The following RARS1 variants were observed in gnomAD, a reference collection of about 807,000 sequenced individuals.
RARS1 encodes the protein arginine--tRNA ligase, cytoplasmic.
Under a neutral mutation model 78.7 loss-of-function variants are expected in RARS1, and 75 were observed. That is an observed-to-expected ratio of 0.95 (90% confidence interval 0.79 to 1.15). RARS1 has a LOEUF of 1.15. RARS1 is among the 50% of genes most tolerant of loss of function. The pLI is 0.00. For synonymous variants in RARS1, 273 were observed against 268.2 expected, an observed-to-expected ratio of 1.02 and a Z score of -0.18; for missense variants, 787 against 787.5, an observed-to-expected ratio of 1.00 and a Z score of 0.01.
intron 11 of RARS1, among the ~76,000 whole-genome samples, chr5:168,509,449 C>G (rs796102598): frequency 2.7e-5 from 4 of 145,700 alleles, no homozygotes; most frequent in African/African-American, 7.7e-5. Flanking sequence ...CCCCCCCCCC[C>G]CCACCAAAAA....
intron 6 of RARS1, among the ~76,000 whole-genome samples, chr5:168,496,543 C>T (rs1354377842): frequency 4.0e-5 from 6 of 151,692 alleles, no homozygotes; most frequent in African/African-American, 9.7e-5. Context: ...AGTGCAGTGG[C>T]GCAATCCTGG....
chr5:168,508,885 G>C (rs1004663996), intron 11 of RARS1, among the ~76,000 whole-genome samples: 2 of 152,072 alleles, frequency 1.3e-5, no homozygotes, highest in Non-Finnish European at 2.9e-5. Context: ...TCTGAAAGAG[G>C]CTATCATCTA....
intron 8 of RARS1, 112 bp from the exon 9 acceptor site, chr5:168,501,889 A>G: frequency 4.3e-6 from 6 of 1,407,376 alleles, no homozygotes; most frequent in South Asian, 2.9e-5. Context: ...TATGTAATTA[A>G]TTTCCTTTTA....
At chr5:168,501,827 T>G (rs1480134760) in intron 8 of RARS1, among the ~76,000 whole-genome samples, 174 bp from the exon 9 acceptor site, 2 of 152,186 alleles carry the variant, frequency 1.3e-5, no homozygotes, top group Admixed American at 1.3e-4. Context: ...CCATTTTCTT[T>G]CCCTTTTTCA....
chr5:168,487,891 C>T (rs2152903081), intron 1 of RARS1, among the ~76,000 whole-genome samples: 1 of 151,944 alleles, frequency 6.6e-6, no homozygotes, highest in South Asian at 2.1e-4. Context: ...AAAGGCAGAC[C>T]CTTGAGCTAT....
chr5:168,492,594 G>A (rs1758107106), intron 2 of RARS1, 65 bp from the exon 3 acceptor site: 1 of 1,318,400 alleles, frequency 7.6e-7, no homozygotes, highest in African/African-American at 1.5e-5. Context: ...CAAAATATTT[G>A]GAGACATCTT....
intron 2 of RARS1, among the ~76,000 whole-genome samples, chr5:168,491,005 C>T (rs1758070670): frequency 6.6e-6 from 1 of 152,090 alleles, no homozygotes; most frequent in African/African-American, 2.4e-5. Flanking sequence ...GGGATGGTGG[C>T]ATGGGCCTGT....
Position 168,496,722 on chromosome 5 carries a change from G to T in RARS1, c.702-506G>T, listed in dbSNP as rs190217243. Among the ~76,000 whole-genome samples the T allele has an allele frequency of 1.5e-3, 232 of 152,136 alleles. 2 individuals are homozygous for T. Among genetic ancestry groups the T allele is most frequent in the Admixed American group, 4.1e-3 (62 of 15,276 alleles). ...GGGTCTCGAACTCCTAACCTCAAGTGATCCGCCTGCCTCAGCCTCCCATAG... is the reference window on the plus strand; with the variant it reads ...GGGTCTCGAACTCCTAACCTCAAGTTATCCGCCTGCCTCAGCCTCCCATAG... On this transcript the variant is annotated intron_variant, in intron 6 of 14. Coordinates refer to ENST00000231572, the MANE Select transcript of RARS1 (RefSeq NM_002887.4).
intron 9 of RARS1, 88 bp from the exon 10 acceptor site, chr5:168,505,929 ATAAC>A: frequency 5.7e-6 from 6 of 1,052,350 alleles, no homozygotes; most frequent in Non-Finnish European, 8.4e-6. Context: ...TATTCTTAGA[ATAAC>A]TAAATATTTA....
chr5:168,508,372 C>A (rs1004315126), intron 11 of RARS1, among the ~76,000 whole-genome samples: 1 of 151,108 alleles, frequency 6.6e-6, no homozygotes, highest in African/African-American at 2.4e-5. Context: ...CCTGTAATCC[C>A]AGCACTTTGG....
rs749494974 is a variant in RARS1 at position 168,492,696 on chromosome 5, T to C, written c.218T>C (p.Met73Thr). 1.3e-5 allele frequency: 21 copies of C among 1,610,652 alleles called. No individual in the cohort carries two copies. The highest frequency in any genetic ancestry group is 1.8e-5 in the Non-Finnish European group (21 of 1,177,134). The part of the protein sequence containing the change: ...QAERNKPTKN[M>T]INIISRLQEV... ...GAAAGGAACAAACCAACTAAAAATA[T>C]GATTAACATTATTAGCCGCCTACAA... The change falls in exon 3 of 15, where the codon ATG (methionine) becomes ACG (threonine). Residue 73 changes from methionine to threonine, a missense_variant. Coordinates refer to ENST00000231572, the MANE Select transcript of RARS1 (RefSeq NM_002887.4).
chr5:168,497,228 G>T lies in RARS1; in HGVS notation c.702G>T (p.Arg234Ser). 1.3e-6 allele frequency: 2 copies of T among 1,530,456 alleles called. No individual in the cohort carries two copies. Among genetic ancestry groups the T allele is most frequent in the Non-Finnish European group, 8.8e-7 (1 of 1,137,802 alleles). 94.8% of individuals were successfully genotyped at this position (1,530,456 alleles called of 1,614,324 possible). ...TTATATATTCTCTGATTGGTGTTAGGTTAAATCATGTAGGAGACTGGGGGA... is the reference window on the plus strand; with the variant it reads ...TTATATATTCTCTGATTGGTGTTAGTTTAAATCATGTAGGAGACTGGGGGA... ...LFEFAGYDVL[R>S]LNHVGDWGTQ... The change falls in exon 7 of 15, where the codon AGG (arginine) becomes AGT (serine). Residue 234 changes from arginine (R) to serine (S), a missense_variant and splice_region_variant. Arg to Ser is a moderately radical substitution (Grantham distance 110, BLOSUM62 -1). Transcript: ENST00000231572.
intron 12 of RARS1, among the ~76,000 whole-genome samples, chr5:168,515,016 C>A (rs1435528554): frequency 6.6e-6 from 1 of 152,010 alleles, no homozygotes; most frequent in Non-Finnish European, 1.5e-5. Context: ...TACAGTCTTA[C>A]AAGAATAGAT....
At chr5:168,501,477 T>C (rs933665357) in intron 8 of RARS1, among the ~76,000 whole-genome samples, 1 of 152,076 alleles carries the variant, frequency 6.6e-6, no homozygotes, top group Admixed American at 6.6e-5. Flanking sequence ...AAAAAGTAAA[T>C]GTTGGGAGGC....
At chr5:168,505,714 G>GAAAAAAAA (rs60743864) in intron 9 of RARS1, among the ~76,000 whole-genome samples, 1 of 114,246 alleles carries the variant, frequency 8.8e-6, no homozygotes, top group Non-Finnish European at 1.8e-5. Flanking sequence ...TATCAAAAAA[G>GAAAAAAAA]AAAAAAAAAA....
intron 12 of RARS1, among the ~76,000 whole-genome samples, chr5:168,515,554 T>G (rs1758648324): frequency 6.6e-6 from 1 of 152,248 alleles, no homozygotes; most frequent in Non-Finnish European, 1.5e-5. Flanking sequence ...CTGAGGTTAT[T>G]TCCCTCCAGA....
intron 2 of RARS1, among the ~76,000 whole-genome samples, chr5:168,489,186 ATT>A (rs71972722): frequency 6.1e-5 from 9 of 147,590 alleles, no homozygotes; most frequent in Admixed American, 6.1e-4. Flanking sequence ...CATCCAGCTA[ATT>A]TTTTTTTTTT....
At position 168,506,128 on chromosome 5, in the gene RARS1, C is replaced by A; in HGVS notation, c.1165C>A (p.Leu389Met). The stretch of plus-strand genomic sequence containing the variant: ...AGGTTATACCTATGATACATCTGAC[C>A]TGGCTGCTATTAAACAAAGACTATT... ...DGGYTYDTSD[L>M]AAIKQRLFEE... The change falls in exon 10 of 15, where the codon CTG becomes ATG. Residue 389 changes from leucine (L) to methionine (M), a missense_variant. Leu to Met is a conservative substitution (Grantham distance 15, BLOSUM62 2). Coordinates refer to ENST00000231572, the MANE Select transcript of RARS1 (RefSeq NM_002887.4). 1 of 1,600,350 alleles carries A rather than the reference C, an allele frequency of 6.2e-7. No individual in the cohort carries two copies.
chr5:168,497,143 T>C (rs1461356067), intron 6 of RARS1, 85 bp from the exon 7 acceptor site: 2 of 1,092,514 alleles, frequency 1.8e-6, no homozygotes, highest in African/African-American at 1.6e-5. Context: ...ATATTAGTGG[T>C]TCCTAATGGA....
Sources: gnomAD v4.1 joint callset for allele counts (sites outside exome capture counted in the v4.1 genomes callset) on GRCh38, gnomAD v4.1.1 for gene constraint, MANE v1.5 for transcripts, NCBI Gene and HGNC (gene_info 2026-07-23, HGNC 2026-07-21) for gene names.